TRDN: variants seen among roughly 807,000 people sequenced by gnomAD.
TRDN encodes triadin in skeletal muscle.
TRDN carries 161 observed loss-of-function variants against 149.7 expected under a neutral mutation model. The observed-to-expected ratio is 1.08, with a 90% CI of 0.95 to 1.23. The LOEUF is 1.23. Among genes scored for constraint, TRDN ranks in the 50% most tolerant of loss-of-function variants. The probability of loss-of-function intolerance (pLI) is 0.00; values close to 1 mark genes in which losing one functional copy is unlikely to be tolerated. For synonymous variants in TRDN, 294 were observed against 250.5 expected, an observed-to-expected ratio of 1.17 and a Z score of -1.64; for missense variants, 896 against 823.5, an observed-to-expected ratio of 1.09 and a Z score of -1.08.
At chr6:123,303,483 G>T (rs1778502448) in intron 24 of TRDN, among the ~76,000 whole-genome samples, 1 of 152,108 alleles carries the variant, frequency 6.6e-6, no homozygotes, top group African/African-American at 2.4e-5. Context: ...TACATTAGAA[G>T]AAAACATGTG....
At chr6:123,283,985 C>CATAT (rs57419103) in intron 24 of TRDN, among the ~76,000 whole-genome samples, 12,652 of 57,140 alleles carry the variant, frequency 0.22, 2,438 homozygotes, top group South Asian at 0.39. Flanking sequence ...CAACATGGCA[C>CATAT]ATATATATAT....
chr6:123,269,781 T>C, intron 31 of TRDN, 68 bp downstream of exon 31: 2 of 1,531,394 alleles, frequency 1.3e-6, no homozygotes, highest in Middle Eastern at 1.7e-4. Context: ...TTAAAAAAAC[T>C]AAGCAAAATT....
intron 38 of TRDN, among the ~76,000 whole-genome samples, chr6:123,247,889 A>G (rs1353928963): frequency 6.6e-6 from 1 of 152,206 alleles, no homozygotes; most frequent in Non-Finnish European, 1.5e-5. Flanking sequence ...TGGTACTGGT[A>G]CCAAAACAGA....
chr6:123,575,395 AAGAACAGAGT>A (rs554055514), intron 1 of TRDN, among the ~76,000 whole-genome samples: 145 of 152,224 alleles, frequency 9.5e-4, no homozygotes, highest in Non-Finnish European at 1.5e-3. Context: ...GATAAATGCA[AAGAACAGAGT>A]ATGTGATCTG....
At chr6:123,588,332 G>A (rs1310866863) in intron 1 of TRDN, among the ~76,000 whole-genome samples, 1 of 152,144 alleles carries the variant, frequency 6.6e-6, no homozygotes, top group African/African-American at 2.4e-5. Flanking sequence ...CAAAGAGTCT[G>A]TTTCGCAACT....
intron 38 of TRDN, among the ~76,000 whole-genome samples, chr6:123,233,699 C>T (rs111559160): frequency 1.1e-3 from 161 of 152,186 alleles, no homozygotes; most frequent in African/African-American, 3.8e-3. Context: ...AAGGAGACTT[C>T]AGCCAATTTT....
chr6:123,480,817 T>C, intron 9 of TRDN, among the ~76,000 whole-genome samples: 1 of 152,074 alleles, frequency 6.6e-6, no homozygotes, highest in East Asian at 1.9e-4. Context: ...TACCTAAACA[T>C]AGAAAATAAA....
intron 12 of TRDN, among the ~76,000 whole-genome samples, chr6:123,424,541 G>T (rs1774037731): frequency 1.3e-5 from 2 of 151,456 alleles, no homozygotes; most frequent in South Asian, 2.1e-4. Flanking sequence ...TTGTCATTTT[G>T]ATAAAATTTG....
chr6:123,559,009 G>A lies in TRDN; in HGVS notation c.233-10397C>T, dbSNP rs185634555. 3.1e-3 allele frequency among the ~76,000 whole-genome samples: 468 copies of A among 152,184 alleles called. 1 individual carries two copies. Among genetic ancestry groups the A allele is most frequent in the African/African-American group, 0.011 (450 of 41,546 alleles). ...TCTGTGCAGGACCCCACTGGAAATC[G>A]GACTCACCCGGCAGCCACTCCCAGA... On this transcript the variant is annotated intron_variant, in intron 2 of 40. Transcript: ENST00000334268.
At chr6:123,385,115 C>T (rs1305232691) in intron 14 of TRDN, among the ~76,000 whole-genome samples, 1 of 152,114 alleles carries the variant, frequency 6.6e-6, no homozygotes. Flanking sequence ...CTATTATGTT[C>T]ATAAGTGATG....
At chr6:123,549,415 A>G (rs1781277480) in intron 2 of TRDN, among the ~76,000 whole-genome samples, 1 of 152,042 alleles carries the variant, frequency 6.6e-6, no homozygotes, top group Non-Finnish European at 1.5e-5. Flanking sequence ...ATCTATCTAG[A>G]AATATGGTAT....
chr6:123,470,788 T>C (rs1208373021), intron 9 of TRDN: 2 of 152,210 alleles, frequency 1.3e-5, no homozygotes, highest in African/African-American at 4.8e-5. Flanking sequence ...AAGAAAAGGA[T>C]ATTAGCTGTA....
At chr6:123,567,725 A>C (rs1045701107) in intron 2 of TRDN, among the ~76,000 whole-genome samples, 1 of 152,168 alleles carries the variant, frequency 6.6e-6, no homozygotes, top group African/African-American at 2.4e-5. Flanking sequence ...GAATTGGCTA[A>C]ACCATTCTTC....
intron 10 of TRDN, among the ~76,000 whole-genome samples, chr6:123,446,193 A>T (rs1487897888): frequency 6.7e-6 from 1 of 149,610 alleles, no homozygotes; most frequent in African/African-American, 2.5e-5. Context: ...CAATGAGATC[A>T]CATGGACACA....
intron 38 of TRDN, among the ~76,000 whole-genome samples, chr6:123,249,294 A>G (rs1776294615): frequency 6.6e-6 from 1 of 152,152 alleles, no homozygotes. Context: ...TATGTTGACG[A>G]GGATGTGGAG....
intron 38 of TRDN, among the ~76,000 whole-genome samples, chr6:123,247,138 T>C (rs4257870): frequency 0.79 from 120,215 of 152,114 alleles, 47,983 homozygotes; most frequent in Admixed American, 0.84. Flanking sequence ...AAACCCACAG[T>C]CAATAGCATA....
chr6:123,492,141 C>T (rs7766013), intron 9 of TRDN, among the ~76,000 whole-genome samples: 128,855 of 152,032 alleles, frequency 0.85, 54,696 homozygotes, highest in East Asian at 0.98. Flanking sequence ...AGAGAAGATT[C>T]TGATAGGTGA....
intron 20 of TRDN, among the ~76,000 whole-genome samples, chr6:123,362,346 T>G (rs921872283): frequency 3.9e-5 from 6 of 152,168 alleles, no homozygotes; most frequent in African/African-American, 1.4e-4. Flanking sequence ...AGCATATGTT[T>G]GAGTGTTATT....
chr6:123,414,835 C>T (rs980589857), intron 12 of TRDN, among the ~76,000 whole-genome samples: 3 of 152,076 alleles, frequency 2.0e-5, no homozygotes, highest in East Asian at 1.9e-4. Context: ...ATTTCATTCT[C>T]CTAGGTAAAA....
Sources: gnomAD v4.1 joint callset for allele counts (sites outside exome capture counted in the v4.1 genomes callset) on GRCh38, gnomAD v4.1.1 for gene constraint, MANE v1.5 for transcripts, NCBI Gene and HGNC (gene_info 2026-07-23, HGNC 2026-07-21) for gene names.